CDH18: variants seen among roughly 807,000 people sequenced by gnomAD.
CDH18 encodes cadherin-18.
CDH18 carries 31 observed loss-of-function variants against 67.9 expected under a neutral mutation model. The ratio of observed to expected loss-of-function variants is 0.46; its 90% CI spans 0.34 to 0.62. CDH18 has a LOEUF of 0.62. Among genes scored for constraint, CDH18 ranks in the 20% least tolerant of loss-of-function variants. The pLI, the probability that CDH18 is intolerant of heterozygous loss-of-function variation, is 0.01. For missense variants in CDH18, 890 were observed against 975.5 expected, an observed-to-expected ratio of 0.91 and a Z score of 1.17; for synonymous variants, 362 against 347.2, an observed-to-expected ratio of 1.04 and a Z score of -0.48.
intron 2 of CDH18, among the ~76,000 whole-genome samples, chr5:19,903,148 T>C (rs1362314650): frequency 1.3e-5 from 2 of 152,004 alleles, no homozygotes; most frequent in Admixed American, 6.6e-5. Context: ...GCCAAAACTA[T>C]AAATCCAGTC....
chr5:20,550,234 C>T (rs973997352), intron 1 of CDH18, among the ~76,000 whole-genome samples: 3 of 152,006 alleles, frequency 2.0e-5, no homozygotes, highest in Non-Finnish European at 2.9e-5. Flanking sequence ...AATAATAAAA[C>T]CAATACTGGG....
intron 1 of CDH18, among the ~76,000 whole-genome samples, chr5:20,433,317 C>G (rs1430098574): frequency 6.6e-6 from 1 of 151,572 alleles, no homozygotes; most frequent in African/African-American, 2.4e-5. Flanking sequence ...TGATTCTAGC[C>G]TACCCAAGCA....
chr5:19,580,739 C>T (rs1743110234), intron 7 of CDH18, among the ~76,000 whole-genome samples: 1 of 151,880 alleles, frequency 6.6e-6, no homozygotes, highest in African/African-American at 2.4e-5. Context: ...TCCTTATGGA[C>T]AACAGTCTGT....
chr5:19,854,944 GT>G (rs1347817229), intron 2 of CDH18, among the ~76,000 whole-genome samples: 19 of 136,994 alleles, frequency 1.4e-4, no homozygotes, highest in East Asian at 8.5e-4. Context: ...GTTCAGTTTT[GT>G]TTTTTTTTTT....
chr5:20,178,728 A>C (rs1737442063), intron 2 of CDH18, among the ~76,000 whole-genome samples: 1 of 152,076 alleles, frequency 6.6e-6, no homozygotes, highest in Non-Finnish European at 1.5e-5. Flanking sequence ...TGTAATTTGC[A>C]GTTCTCAAAG....
At chr5:19,775,747 A>C (rs1774294750) in intron 3 of CDH18, among the ~76,000 whole-genome samples, 1 of 152,216 alleles carries the variant, frequency 6.6e-6, no homozygotes, top group African/African-American at 2.4e-5. Context: ...GCAGATGTAC[A>C]TCAGCAATAT....
chr5:20,339,695 T>G (rs1166202438), intron 1 of CDH18, among the ~76,000 whole-genome samples: 1 of 152,182 alleles, frequency 6.6e-6, no homozygotes, highest in Non-Finnish European at 1.5e-5. Flanking sequence ...CTTGTGAATA[T>G]GGTCCCATTA....
intron 1 of CDH18, among the ~76,000 whole-genome samples, chr5:20,503,159 T>A (rs955317791): frequency 6.7e-6 from 1 of 149,722 alleles, no homozygotes; most frequent in Admixed American, 6.7e-5. Context: ...AGTTTCATAA[T>A]ATCTATAATC....
intron 5 of CDH18, among the ~76,000 whole-genome samples, chr5:19,657,793 C>T (rs1268268006): frequency 1.3e-5 from 2 of 152,108 alleles, no homozygotes; most frequent in Non-Finnish European, 2.9e-5. Context: ...CTCTAGGAAG[C>T]ACATGTTTCT....
At chr5:20,256,959 A>ATCTATCTATCTG (rs369248095) in intron 1 of CDH18, among the ~76,000 whole-genome samples, 159 of 125,324 alleles carry the variant, frequency 1.3e-3, no homozygotes, top group African/African-American at 3.3e-3. Context: ...CTATCTATCT[A>ATCTATCTATCTG]TCTAATCTAT....
Position 19,609,935 on chromosome 5 carries a change from C to A in CDH18, c.811+2499G>T, listed in dbSNP as rs143838794. Among the ~76,000 whole-genome samples the A allele has an allele frequency of 5.5e-4, 83 of 152,152 alleles. 1 individual carries two copies. Among genetic ancestry groups the A allele is most frequent in the African/African-American group, 2.0e-3 (83 of 41,548 alleles). ...TTATTTCTTTTCTCCAAGCAGTTTA[C>A]AATACTTCCCCACTAGGTACATAGC... On this transcript the variant is annotated intron_variant, in intron 6 of 12. Coordinates refer to ENST00000382275, the MANE Select transcript of CDH18 (RefSeq NM_004934.5).
chr5:19,593,709 T>TCCTCCTCCTCCTCTTCC lies in CDH18; in HGVS notation c.812-2466_812-2465insGGAAGAGGAGGAGGAGG, dbSNP rs70950076. On this transcript the variant is annotated intron_variant, in intron 6 of 12. Transcript: ENST00000382275. ...CTTCTCTTCCTCTTCCTCCTCCTCC[T>TCCTCCTCCTCCTCTTCC]TCTTCTTCTTCTTCTTCTTCTTCTT... 2.7e-5 allele frequency among the ~76,000 whole-genome samples: 3 copies of TCCTCCTCCTCCTCTTCC among 111,178 alleles called. 1 individual carries two copies. The highest frequency in any genetic ancestry group is 5.1e-5 in the Non-Finnish European group (3 of 58,308). The allele number at this position is 111,178 out of a possible 152,430, so 72.9% of individuals were successfully genotyped here.
At position 20,241,851 on chromosome 5, in the gene CDH18, C is replaced by CA. The variant is rs1210062844; in HGVS notation, c.-518+13592dup. Among the ~76,000 whole-genome samples the CA allele has an allele frequency of 7.3e-3, 923 of 126,970 alleles. 10 individuals are homozygous for CA. The highest frequency in any genetic ancestry group is 0.015 in the East Asian group (69 of 4,556). 83.3% of individuals were successfully genotyped at this position (126,970 alleles called of 152,430 possible). A position where few individuals can be genotyped will look rare whatever the true frequency, so the allele number is the denominator to read the frequency against. Reference sequence around the variant, plus strand: ...TGGGCGACAGAGGGAGACCCTGTCGCAAAAAAAAAAAAAATAAAATAAAAT... The same window carrying CA: ...TGGGCGACAGAGGGAGACCCTGTCGCAAAAAAAAAAAAAAATAAAATAAAAT... On this transcript the variant is annotated intron_variant, in intron 2 of 14. Transcript: ENST00000507958.
intron 2 of CDH18, among the ~76,000 whole-genome samples, chr5:20,196,616 G>A (rs1739001485): frequency 6.6e-6 from 1 of 152,110 alleles, no homozygotes; most frequent in Non-Finnish European, 1.5e-5. Context: ...AATAAAGGGG[G>A]ATTCAATGTT....
intron 10 of CDH18, among the ~76,000 whole-genome samples, chr5:19,503,549 T>A (rs1743609898): frequency 6.6e-6 from 1 of 152,108 alleles, no homozygotes; most frequent in African/African-American, 2.4e-5. Flanking sequence ...TTGGTTTTAT[T>A]ATTTTTTTCA....
chr5:20,098,800 T>C (rs1178912375), intron 2 of CDH18, among the ~76,000 whole-genome samples: 1 of 152,154 alleles, frequency 6.6e-6, no homozygotes, highest in Non-Finnish European at 1.5e-5. Context: ...AGAACATTTA[T>C]TGTATAAAAC....
At chr5:20,478,809 C>G (rs996211170) in intron 1 of CDH18, among the ~76,000 whole-genome samples, 2 of 152,126 alleles carry the variant, frequency 1.3e-5, no homozygotes, top group Admixed American at 6.5e-5. Context: ...AGATTCAATG[C>G]TATGCTGGCT....
rs1361510410 is a variant in CDH18, at chr5:20,305,543, G to T, written c.-579-50038C>A. The T allele has an allele frequency of 3.9e-6, 3 of 774,616 alleles. No homozygotes were observed. The Admixed American group carries it at 5.8e-5, about 15-fold the overall frequency. 48.0% of individuals were successfully genotyped at this position (774,616 alleles called of 1,614,324 possible). A position where few individuals can be genotyped will look rare whatever the true frequency, so the allele number is the denominator to read the frequency against. On this transcript the variant is annotated intron_variant, in intron 1 of 14. Transcript: ENST00000507958. ...GCGGCGCAGGGGTCTCGAGCGGCTGGTGGTCGCGGGGCTGAGGGCGCTCGG... is the reference window on the plus strand; with the variant it reads ...GCGGCGCAGGGGTCTCGAGCGGCTGTTGGTCGCGGGGCTGAGGGCGCTCGG...
chr5:20,193,153 T>C (rs1050470127), intron 2 of CDH18, among the ~76,000 whole-genome samples: 2 of 151,982 alleles, frequency 1.3e-5, no homozygotes, highest in Non-Finnish European at 2.9e-5. Flanking sequence ...TCTCTGCTTG[T>C]CTATTGTTGG....
Sources: allele counts gnomAD v4.1 joint callset (sites outside exome capture counted in the v4.1 genomes callset), GRCh38; gene constraint gnomAD v4.1.1; transcripts MANE v1.5; gene names NCBI Gene and HGNC (gene_info 2026-07-23, HGNC 2026-07-21).